The following LRRIQ1 variants were observed in gnomAD, a reference collection of about 807,000 sequenced individuals.
The protein encoded by LRRIQ1 is leucine-rich repeat- and IQ domain-containing protein 1.
A neutral mutation model predicts 211.9 loss-of-function variants in LRRIQ1; 210 were observed. The ratio of observed to expected loss-of-function variants is 0.99; its 90% confidence interval spans 0.89 to 1.11. LRRIQ1 has a LOEUF of 1.11. Among genes scored for constraint, LRRIQ1 ranks in the 50% most tolerant of loss-of-function variants. The pLI is 0.00. For missense variants in LRRIQ1, 2,136 were observed against 1,939.5 expected, an observed-to-expected ratio of 1.10 and a Z score of -1.90; for synonymous variants, 699 against 650.1, an observed-to-expected ratio of 1.08 and a Z score of -1.14.
chr12:85,252,433 A>G (rs2137306067), intron 1 of LRRIQ1, among the ~76,000 whole-genome samples: 1 of 152,070 alleles, frequency 6.6e-6, no homozygotes, highest in Admixed American at 6.6e-5. Flanking sequence ...ACCAACAGAT[A>G]CAATGTAATT....
chr12:85,067,716 A>T (rs1882592063), intron 10 of LRRIQ1, among the ~76,000 whole-genome samples: 1 of 151,782 alleles, frequency 6.6e-6, no homozygotes, highest in Non-Finnish European at 1.5e-5. Context: ...TCAGCCCGTC[A>T]GGACCTTACT....
intron 24 of LRRIQ1, among the ~76,000 whole-genome samples, chr12:85,192,793 A>G (rs1205838464): frequency 9.5e-6 from 1 of 105,606 alleles, no homozygotes; most frequent in African/African-American, 3.8e-5. Flanking sequence ...AAATATATAT[A>G]GTTATATACT....
chr12:85,178,528 A>G (rs570564480), intron 24 of LRRIQ1, among the ~76,000 whole-genome samples: 2 of 152,118 alleles, frequency 1.3e-5, no homozygotes, highest in East Asian at 1.9e-4. Flanking sequence ...TACTCAAATT[A>G]CATTCATTAT....
At chr12:85,057,795 C>G (rs1881302360) in intron 8 of LRRIQ1, among the ~76,000 whole-genome samples, 1 of 151,900 alleles carries the variant, frequency 6.6e-6, no homozygotes, top group Non-Finnish European at 1.5e-5. Flanking sequence ...GACACAGAAA[C>G]TAATAAACGT....
chr12:85,154,855 T>C (rs1001532012), intron 23 of LRRIQ1, among the ~76,000 whole-genome samples: 2 of 151,214 alleles, frequency 1.3e-5, no homozygotes, highest in African/African-American at 4.8e-5. Flanking sequence ...GTAAAAAGTT[T>C]CCAAAAAAGA....
At chr12:85,142,264 A>G (rs1362348473) in intron 19 of LRRIQ1, among the ~76,000 whole-genome samples, 1 of 151,350 alleles carries the variant, frequency 6.6e-6, no homozygotes. Context: ...CAAACTGGCT[A>G]TGATTTTCTT....
chr12:85,170,791 C>T (rs1035108323), intron 24 of LRRIQ1, among the ~76,000 whole-genome samples: 1 of 151,806 alleles, frequency 6.6e-6, no homozygotes, highest in Admixed American at 6.6e-5. Flanking sequence ...CATTGGAGAC[C>T]TAACAAGTAA....
intron 1 of LRRIQ1, among the ~76,000 whole-genome samples, 188 bp downstream of exon 1, chr12:85,036,595 T>C (rs1000093558): frequency 2.0e-5 from 3 of 152,010 alleles, no homozygotes; most frequent in African/African-American, 4.8e-5. Context: ...CGAGAACTCA[T>C]TCAAAACTTA....
At chr12:85,169,315 A>G (rs920559820) in intron 24 of LRRIQ1, among the ~76,000 whole-genome samples, 5 of 152,174 alleles carry the variant, frequency 3.3e-5, no homozygotes, top group Admixed American at 2.6e-4. Flanking sequence ...AGTCAGTAAC[A>G]AAACTAAATA....
chr12:85,078,042 T>A (rs1410645640), intron 11 of LRRIQ1, among the ~76,000 whole-genome samples: 1 of 151,936 alleles, frequency 6.6e-6, no homozygotes, highest in Non-Finnish European at 1.5e-5. Context: ...CTAACTTCAT[T>A]TACATCTAGA....
chr12:85,256,735 T>C (rs985026266), intron 1 of LRRIQ1, among the ~76,000 whole-genome samples: 7 of 151,282 alleles, frequency 4.6e-5, no homozygotes, highest in African/African-American at 1.7e-4. Flanking sequence ...TTTCTAACAT[T>C]ATGTGGCTCA....
chr12:85,127,750 T>G, intron 17 of LRRIQ1, 82 bp from the exon 18 acceptor site: 1 of 1,135,012 alleles, frequency 8.8e-7, no homozygotes, highest in East Asian at 2.4e-5. Flanking sequence ...GTTTAAAATC[T>G]TGTTTAGGAG....
At chr12:85,040,354 G>T (rs926399332) in intron 2 of LRRIQ1, 136 bp from the exon 3 acceptor site, 30 of 455,382 alleles carry the variant, frequency 6.6e-5, no homozygotes, top group Non-Finnish European at 1.0e-4. Flanking sequence ...TCTGAACTGT[G>T]CTGTTTATAT....
chr12:85,064,164 C>T (rs558484161), intron 8 of LRRIQ1, among the ~76,000 whole-genome samples: 1 of 151,894 alleles, frequency 6.6e-6, no homozygotes, highest in African/African-American at 2.4e-5. Context: ...AAGAGGTTCC[C>T]TTTTCTCCAC....
In LRRIQ1 at chr12:85,127,869, T is replaced by A; in HGVS notation, c.4045T>A (p.Tyr1349Asn). The change falls in exon 18 of 27, where the codon TAC becomes AAC. Residue 1349 changes from tyrosine to asparagine, a missense_variant. Coordinates refer to ENST00000393217, the MANE Select transcript of LRRIQ1 (RefSeq NM_001079910.2). ...GGTAATCCAGTCATACTGGCGTGGT[T>A]ACCTCATGCGCAGACAGACTCATTT... Reference protein sequence around the residue: ...AVVIQSYWRGYLMRRQTHFST... With the variant: ...AVVIQSYWRGNLMRRQTHFST... 6.2e-7 allele frequency: 1 copy of A among 1,614,120 alleles called. No homozygotes were observed. The highest frequency in any genetic ancestry group is 1.3e-5 in the African/African-American group (1 of 75,024).
At chr12:85,248,053 A>G (rs527702523), downstream of LRRIQ1, among the ~76,000 whole-genome samples, 16 of 151,764 alleles carry the variant, frequency 1.1e-4, no homozygotes, top group African/African-American at 3.1e-4. Flanking sequence ...CATTTATATA[A>G]TATTTAGTCA....
chr12:85,077,916 G>T (rs979850337), intron 11 of LRRIQ1, among the ~76,000 whole-genome samples: 5 of 150,358 alleles, frequency 3.3e-5, no homozygotes, highest in Non-Finnish European at 7.4e-5. Context: ...TGAGCTTGGG[G>T]GATCAAGGCT....
intron 24 of LRRIQ1, among the ~76,000 whole-genome samples, chr12:85,224,119 T>C (rs1894532802): frequency 6.7e-6 from 1 of 148,356 alleles, no homozygotes; most frequent in African/African-American, 2.6e-5. Context: ...AATGGATTAA[T>C]TATTTATGCA....
intron 15 of LRRIQ1, among the ~76,000 whole-genome samples, chr12:85,111,733 A>T (rs1396360172): frequency 6.6e-6 from 1 of 152,138 alleles, no homozygotes; most frequent in Non-Finnish European, 1.5e-5. Flanking sequence ...TTCTACCAGA[A>T]ATAAGCATTT....
Sources: allele counts gnomAD v4.1 joint callset (sites outside exome capture counted in the v4.1 genomes callset), GRCh38; gene constraint gnomAD v4.1.1; transcripts MANE v1.5; gene names NCBI Gene and HGNC (gene_info 2026-07-23, HGNC 2026-07-21).